ERC2: variants seen among roughly 807,000 people sequenced by gnomAD.
ERC2 encodes the protein ELKS/RAB6-interacting/CAST family member 2.
Under a neutral mutation model 114.8 loss-of-function variants are expected in ERC2, and 42 were observed. The ratio of observed to expected loss-of-function variants is 0.37; its 90% confidence interval spans 0.29 to 0.47. The LOEUF (loss-of-function observed/expected upper bound fraction) is 0.47. Among genes scored for constraint, ERC2 ranks in the 20% least tolerant of loss-of-function variants. The probability of loss-of-function intolerance (pLI) is 0.99; values close to 1 mark genes in which losing one functional copy is unlikely to be tolerated. For missense variants in ERC2, 939 were observed against 1,150.7 expected (o/e 0.82, Z 2.66); for synonymous variants, 454 against 425.5 (o/e 1.07, Z -0.82).
intron 4 of ERC2, among the ~76,000 whole-genome samples, chr3:56,149,771 C>T (rs533600732): frequency 3.3e-5 from 5 of 152,180 alleles, no homozygotes; most frequent in East Asian, 1.9e-4. Flanking sequence ...CAGGTCCCTA[C>T]GTAACAAAAA....
chr3:55,542,837 C>A (rs946481126), intron 17 of ERC2, among the ~76,000 whole-genome samples: 3 of 152,206 alleles, frequency 2.0e-5, no homozygotes, highest in Admixed American at 6.5e-5. Context: ...CTTCTCTAAG[C>A]CTTCTAATGG....
At chr3:56,413,934 T>C (rs1255437871) in intron 2 of ERC2, among the ~76,000 whole-genome samples, 1 of 152,192 alleles carries the variant, frequency 6.6e-6, no homozygotes, top group East Asian at 1.9e-4. Context: ...GTCTGATCAC[T>C]TCTACCCCAA....
chr3:56,319,671 C>G lies in ERC2; in HGVS notation c.658-23236G>C, dbSNP rs552850121. Among the ~76,000 whole-genome samples the G allele has an allele frequency of 1.3e-3, 205 of 152,022 alleles. 3 individuals are homozygous for G. The highest frequency in any genetic ancestry group is 4.5e-3 in the African/African-American group (186 of 41,442). On this transcript the variant is annotated intron_variant, in intron 2 of 17. Coordinates refer to ENST00000288221, the MANE Select transcript of ERC2 (RefSeq NM_015576.3). ...AGAAAAAAAGATTCCAAGGCAATAC[C>G]TGACAAAAACAAACACAAGCCAGGT...
intron 14 of ERC2, among the ~76,000 whole-genome samples, chr3:55,884,182 C>G (rs1431549021): frequency 6.6e-6 from 1 of 152,152 alleles, no homozygotes; most frequent in Non-Finnish European, 1.5e-5. Context: ...GAATGCTTAT[C>G]AGAACACTGG....
chr3:56,003,105 G>A (rs941345630), intron 10 of ERC2: 14 of 1,289,354 alleles, frequency 1.1e-5, no homozygotes, highest in Non-Finnish European at 1.3e-5. Flanking sequence ...TTACTGGGTT[G>A]TACATCTGAT....
chr3:55,625,374 G>GAAAAAAAAAAA (rs60450668), intron 17 of ERC2, among the ~76,000 whole-genome samples: 28 of 119,868 alleles, frequency 2.3e-4, no homozygotes, highest in South Asian at 5.4e-4. Context: ...CTCAAAAAAA[G>GAAAAAAAAAAA]AAAAAAAAAA....
chr3:55,812,607 G>A (rs1279327693), intron 14 of ERC2, among the ~76,000 whole-genome samples: 3 of 152,178 alleles, frequency 2.0e-5, no homozygotes, highest in African/African-American at 7.2e-5. Flanking sequence ...GAGCTTGAGA[G>A]GGCAATCAAA....
chr3:56,236,496 T>G (rs985721435), intron 3 of ERC2, among the ~76,000 whole-genome samples: 1 of 152,162 alleles, frequency 6.6e-6, no homozygotes, highest in Non-Finnish European at 1.5e-5. Flanking sequence ...ATTGACTTAT[T>G]TGTAGAGGAG....
At chr3:56,374,243 C>A (rs180751826) in intron 2 of ERC2, among the ~76,000 whole-genome samples, 1 of 152,220 alleles carries the variant, frequency 6.6e-6, no homozygotes, top group East Asian at 1.9e-4. Context: ...ACTACAGGCG[C>A]CTGCCACCAC....
At chr3:56,174,335 T>C (rs2082851778) in intron 3 of ERC2, among the ~76,000 whole-genome samples, 1 of 152,214 alleles carries the variant, frequency 6.6e-6, no homozygotes, top group South Asian at 2.1e-4. Flanking sequence ...AGAGAAGAGA[T>C]AAGGACAATG....
intron 3 of ERC2, among the ~76,000 whole-genome samples, chr3:56,255,032 G>A (rs990650902): frequency 1.3e-4 from 20 of 152,148 alleles, no homozygotes; most frequent in African/African-American, 3.9e-4. Context: ...AAATTTCAAC[G>A]TAGTTCACAA....
At chr3:56,263,701 G>C (rs1354893066) in intron 3 of ERC2, among the ~76,000 whole-genome samples, 1 of 152,140 alleles carries the variant, frequency 6.6e-6, no homozygotes, top group Non-Finnish European at 1.5e-5. Context: ...CCCAAGACCA[G>C]ATGGCTTCAC....
chr3:55,741,768 T>C (rs895733177), intron 14 of ERC2, among the ~76,000 whole-genome samples: 2 of 152,102 alleles, frequency 1.3e-5, no homozygotes, highest in African/African-American at 2.4e-5. Context: ...AGCCCACATA[T>C]ACTAGGAAGG....
chr3:56,007,180 C>A lies in ERC2; in HGVS notation c.2061+1G>T. On this transcript the variant is annotated splice_donor_variant, in intron 10 of 17. Transcript: ENST00000288221. LOFTEE classifies it high-confidence loss of function. Reference sequence around the variant, plus strand: ...GATTCTTTTTCTTAGACTTCACTTACCTTTTTTAACTGTGCTTCCAATTTG... The same window carrying A: ...GATTCTTTTTCTTAGACTTCACTTAACTTTTTTAACTGTGCTTCCAATTTG... The A allele has an allele frequency of 4.5e-6, 7 of 1,556,954 alleles. No individual in the cohort carries two copies. The highest frequency in any genetic ancestry group is 6.1e-6 in the Non-Finnish European group (7 of 1,150,724).
intron 7 of ERC2, among the ~76,000 whole-genome samples, chr3:56,067,223 T>C (rs2076525271): frequency 6.6e-6 from 1 of 152,206 alleles, no homozygotes; most frequent in South Asian, 2.1e-4. Flanking sequence ...TGTCTTCTCT[T>C]ATTTCCTTGA....
Position 56,453,735 on chromosome 3 carries a change from C to T in ERC2, c.-141+14513G>A, listed in dbSNP as rs562657999. ...GTATTCTCTTTATCATTCCTGACCACTGATTTCTTTACTGACAAATAGCTG... is the reference window on the plus strand; with the variant it reads ...GTATTCTCTTTATCATTCCTGACCATTGATTTCTTTACTGACAAATAGCTG... On this transcript the variant is annotated intron_variant, in intron 1 of 17. Transcript: ENST00000288221. Among the ~76,000 whole-genome samples, 7 of 152,320 alleles carry T rather than the reference C, an allele frequency of 4.6e-5. No individual in the cohort carries two copies. In the East Asian group the frequency reaches 7.7e-4, roughly 17 times the overall value.
chr3:56,248,612 C>T (rs1374923891), intron 3 of ERC2, among the ~76,000 whole-genome samples: 2 of 152,216 alleles, frequency 1.3e-5, no homozygotes, highest in African/African-American at 2.4e-5. Flanking sequence ...ATTATGCAAA[C>T]ATTTGCACCA....
chr3:55,813,681 G>T (rs1005218992), intron 14 of ERC2, among the ~76,000 whole-genome samples: 1 of 152,096 alleles, frequency 6.6e-6, no homozygotes, highest in African/African-American at 2.4e-5. Flanking sequence ...CCTAACAAAT[G>T]AAGAAATAAA....
rs143476641 is a variant in ERC2 at position 56,366,358 on chromosome 3, T to C, written c.657+67993A>G. 1.4e-4 allele frequency among the ~76,000 whole-genome samples: 21 copies of C among 152,308 alleles called. No homozygotes were observed. The East Asian group carries it at 4.1e-3, about 29-fold the overall frequency. On this transcript the variant is annotated intron_variant, in intron 2 of 17. Transcript: ENST00000288221. The stretch of plus-strand genomic sequence containing the variant: ...ATAAATAGCATCTGTTTGGTCTCCT[T>C]TGGGTGGTCTTTGTTTATTTCCAGT...
Sources: allele counts gnomAD v4.1 joint callset (sites outside exome capture counted in the v4.1 genomes callset), GRCh38; gene constraint gnomAD v4.1.1; transcripts MANE v1.5; gene names NCBI Gene and HGNC (gene_info 2026-07-23, HGNC 2026-07-21).